UTS2: variants seen among roughly 807,000 people sequenced by gnomAD.
The protein encoded by UTS2 is urotensin 2, also known as urotensin-2.
UTS2 carries 10 observed loss-of-function variants against 12.6 expected under a neutral mutation model. The ratio of observed to expected loss-of-function variants is 0.80; its 90% confidence interval spans 0.49 to 1.35. The LOEUF (loss-of-function observed/expected upper bound fraction) is 1.35, where lower values mean the gene tolerates loss of function less well. Ranked by LOEUF, UTS2 falls within the 40% of genes most tolerant of loss-of-function variation. UTS2 has a pLI of 0.00. For missense variants in UTS2, 142 were observed against 143.2 expected (o/e 0.99, Z 0.04); for synonymous variants, 52 against 50.0 (o/e 1.04, Z -0.17).
chr1:7,855,841 G>A (rs1435443233), upstream of UTS2, among the ~76,000 whole-genome samples: 1 of 151,760 alleles, frequency 6.6e-6, no homozygotes, highest in African/African-American at 2.4e-5. Context: ...TGGAACCACA[G>A]GCACATGCCA....
chr1:7,909,129 A>G, the UTS2 span, among the ~76,000 whole-genome samples: 1 of 152,176 alleles, frequency 6.6e-6, no homozygotes, highest in Admixed American at 6.5e-5. Context: ...ACCTGCCTCC[A>G]TAATTCAATT....
At chr1:7,884,490 G>T in the UTS2 span, among the ~76,000 whole-genome samples, 1 of 151,494 alleles carries the variant, frequency 6.6e-6, no homozygotes, top group Non-Finnish European at 1.5e-5. Context: ...TTTTTTAACT[G>T]CAGAGACAAG....
At chr1:7,883,630 A>T in the UTS2 span, among the ~76,000 whole-genome samples, 91 of 152,338 alleles carry the variant, frequency 6.0e-4, 1 homozygote, top group African/African-American at 2.1e-3. Flanking sequence ...ATATGCATGT[A>T]TCAAAATATC....
At chr1:7,897,451 C>T in the UTS2 span, among the ~76,000 whole-genome samples, 9 of 152,136 alleles carry the variant, frequency 5.9e-5, no homozygotes, top group Non-Finnish European at 1.2e-4. Flanking sequence ...CCTGTTGAGA[C>T]ATTTATTGAA....
At chr1:7,876,178 A>G in the UTS2 span, among the ~76,000 whole-genome samples, 1 of 152,070 alleles carries the variant, frequency 6.6e-6, no homozygotes, top group Admixed American at 6.6e-5. Context: ...GAGTCTGCCC[A>G]GCCTTCTGGT....
At chr1:7,869,713 C>T in the UTS2 span, among the ~76,000 whole-genome samples, 8 of 152,332 alleles carry the variant, frequency 5.3e-5, no homozygotes, top group East Asian at 3.9e-4. Flanking sequence ...GTCACGCACC[C>T]GAGTGATGGC....
the UTS2 span, among the ~76,000 whole-genome samples, chr1:7,862,991 T>TTGTATTGTAA: frequency 5.4e-5 from 1 of 18,654 alleles, no homozygotes; most frequent in Non-Finnish European, 1.2e-4. Context: ...TTGTGTTGTG[T>TTGTATTGTAA]TGTATTGTAT....
At chr1:7,872,010 G>T in the UTS2 span, among the ~76,000 whole-genome samples, 1 of 152,104 alleles carries the variant, frequency 6.6e-6, no homozygotes, top group African/African-American at 2.4e-5. Flanking sequence ...AGTTAGAAAT[G>T]ATTAAGTTTG....
the UTS2 span, among the ~76,000 whole-genome samples, chr1:7,882,903 C>T: frequency 1.3e-5 from 2 of 151,634 alleles, no homozygotes; most frequent in Non-Finnish European, 2.9e-5. Flanking sequence ...ATCAAAAAGA[C>T]AAAAAAATAA....
At chr1:7,904,967 C>T in the UTS2 span, among the ~76,000 whole-genome samples, 1 of 141,542 alleles carries the variant, frequency 7.1e-6, no homozygotes, top group African/African-American at 2.6e-5. Flanking sequence ...TTAGTGAATA[C>T]ATGCATATCC....
chr1:7,892,160 A>G, the UTS2 span, among the ~76,000 whole-genome samples: 3 of 152,212 alleles, frequency 2.0e-5, no homozygotes. Context: ...GGGTCGGTGC[A>G]TGAATTTCCT....
upstream of UTS2, among the ~76,000 whole-genome samples, chr1:7,854,718 T>A (rs34963758): frequency 6.4e-3 from 975 of 152,214 alleles, 2 homozygotes; most frequent in Middle Eastern, 0.02. Context: ...TAACAATGTA[T>A]AGTTGAAGAT....
intron 3 of UTS2, among the ~76,000 whole-genome samples, chr1:7,848,466 G>A (rs901840532): frequency 1.3e-5 from 2 of 152,088 alleles, no homozygotes; most frequent in African/African-American, 4.8e-5. Flanking sequence ...ATAGTAACAT[G>A]TTCTGTGCAT....
At chr1:7,880,824 C>T in the UTS2 span, among the ~76,000 whole-genome samples, 1 of 152,134 alleles carries the variant, frequency 6.6e-6, no homozygotes, top group African/African-American at 2.4e-5. Context: ...TGATACCAAA[C>T]CCAGACAAGG....
chr1:7,851,732 T>C (rs1578026858), intron 1 of UTS2, among the ~76,000 whole-genome samples: 3 of 152,228 alleles, frequency 2.0e-5, no homozygotes, highest in Admixed American at 2.0e-4. Context: ...AGACTGTTAA[T>C]GAAAATCTAT....
the UTS2 span, among the ~76,000 whole-genome samples, chr1:7,881,879 A>ATC: frequency 1.3e-5 from 2 of 152,232 alleles, no homozygotes; most frequent in Non-Finnish European, 2.9e-5. Flanking sequence ...ACTTCAAAAC[A>ATC]TCCTATAAAG....
chr1:7,883,936 T>C, the UTS2 span, among the ~76,000 whole-genome samples: 30 of 152,136 alleles, frequency 2.0e-4, no homozygotes, highest in African/African-American at 6.7e-4. Context: ...TGCCTCAGCC[T>C]CCTGAGTAGC....
At chr1:7,903,741 G>A in the UTS2 span, among the ~76,000 whole-genome samples, 2 of 152,102 alleles carry the variant, frequency 1.3e-5, no homozygotes, top group African/African-American at 2.4e-5. Flanking sequence ...GGGGTTGCAG[G>A]AGTAGAAGCT....
At chr1:7,904,030 G>C in the UTS2 span, among the ~76,000 whole-genome samples, 1 of 151,992 alleles carries the variant, frequency 6.6e-6, no homozygotes. Context: ...TAGAATTTTA[G>C]GGTTTTGTGA....
Sources: allele counts gnomAD v4.1 joint callset (sites outside exome capture counted in the v4.1 genomes callset), GRCh38; gene constraint gnomAD v4.1.1; transcripts MANE v1.5; gene names NCBI Gene and HGNC (gene_info 2026-07-23, HGNC 2026-07-21).